Variants in TTC28 observed in about 807,000 individuals in gnomAD.
The protein encoded by TTC28 is tetratricopeptide repeat protein 28.
TTC28 carries 61 observed loss-of-function variants against 198.0 expected under a neutral mutation model. That is an observed-to-expected ratio of 0.31 (90% CI 0.25 to 0.38). The LOEUF (loss-of-function observed/expected upper bound fraction) is 0.38. TTC28 is among the 10% of genes least tolerant of loss of function. TTC28 has a pLI of 1.00. For missense variants in TTC28, 2,678 were observed against 3,164.0 expected (o/e 0.85, Z 3.69); for synonymous variants, 1,171 against 1,297.8 (o/e 0.90, Z 2.10).
At chr22:28,367,192 A>G (rs1007578368) in intron 2 of TTC28, among the ~76,000 whole-genome samples, 2 of 152,142 alleles carry the variant, frequency 1.3e-5, no homozygotes, top group African/African-American at 2.4e-5. Context: ...GTTAGGTCAA[A>G]AAAGAAGTCT....
At chr22:28,299,465 A>G (rs942734845) in intron 3 of TTC28, among the ~76,000 whole-genome samples, 1 of 152,216 alleles carries the variant, frequency 6.6e-6, no homozygotes, top group Non-Finnish European at 1.5e-5. Flanking sequence ...CAGAGAACAA[A>G]GAACATTTTT....
At chr22:28,128,843 A>G (rs896183499) in intron 6 of TTC28, among the ~76,000 whole-genome samples, 4 of 152,100 alleles carry the variant, frequency 2.6e-5, no homozygotes, top group African/African-American at 9.7e-5. Flanking sequence ...CCTGCCCTGG[A>G]ATTTATTTTA....
At chr22:28,491,027 T>TG (rs1480573837) in intron 2 of TTC28, among the ~76,000 whole-genome samples, 2 of 152,148 alleles carry the variant, frequency 1.3e-5, no homozygotes, top group Non-Finnish European at 2.9e-5. Context: ...AGAAGTTTTT[T>TG]GGGGGGAAAT....
intron 12 of TTC28, among the ~76,000 whole-genome samples, chr22:28,083,040 G>T (rs1346720523): frequency 2.6e-5 from 4 of 151,154 alleles, no homozygotes; most frequent in African/African-American, 7.3e-5. Flanking sequence ...TGATTAGAAT[G>T]AGGGAAAGAA....
intron 6 of TTC28, among the ~76,000 whole-genome samples, chr22:28,127,523 G>A (rs1471440466): frequency 2.6e-5 from 4 of 152,114 alleles, no homozygotes; most frequent in African/African-American, 9.7e-5. Context: ...AATGTGGCTA[G>A]TCCAAACTGA....
intron 2 of TTC28, among the ~76,000 whole-genome samples, chr22:28,478,798 C>T (rs947716380): frequency 1.3e-5 from 2 of 152,190 alleles, no homozygotes; most frequent in African/African-American, 4.8e-5. Flanking sequence ...CCTTAGCTCA[C>T]TGAGGTCTCA....
intron 1 of TTC28, among the ~76,000 whole-genome samples, chr22:28,632,977 A>G (rs1022980061): frequency 2.0e-5 from 3 of 151,564 alleles, no homozygotes; most frequent in Non-Finnish European, 2.9e-5. Context: ...AAAAAAAAAA[A>G]ATTATTTAAA....
At chr22:28,292,070 T>C (rs1284767571) in intron 5 of TTC28, among the ~76,000 whole-genome samples, 1 of 152,098 alleles carries the variant, frequency 6.6e-6, no homozygotes, top group East Asian at 1.9e-4. Context: ...AACTAATAAA[T>C]ATTAACTTAT....
chr22:28,072,716 C>T (rs1037507819), intron 12 of TTC28, among the ~76,000 whole-genome samples: 5 of 152,076 alleles, frequency 3.3e-5, no homozygotes, highest in Admixed American at 6.5e-5. Flanking sequence ...CCAGGGGATC[C>T]CATGCTATCA....
At chr22:28,624,066 C>T (rs1427144283) in intron 2 of TTC28, among the ~76,000 whole-genome samples, 1 of 151,964 alleles carries the variant, frequency 6.6e-6, no homozygotes. Flanking sequence ...ATAAAATGCA[C>T]TACAATATAG....
At chr22:28,672,524 T>C (rs189204542) in intron 1 of TTC28, among the ~76,000 whole-genome samples, 23 of 151,900 alleles carry the variant, frequency 1.5e-4, no homozygotes, top group Non-Finnish European at 2.1e-4. Flanking sequence ...CTGGTCTCAA[T>C]CTCCTAACCT....
intron 1 of TTC28, among the ~76,000 whole-genome samples, chr22:28,670,191 A>T (rs1465059112): frequency 6.6e-6 from 1 of 151,938 alleles, no homozygotes; most frequent in Non-Finnish European, 1.5e-5. Context: ...CCTCTAATGA[A>T]ATACATTTCA....
intron 2 of TTC28, among the ~76,000 whole-genome samples, chr22:28,411,676 T>C (rs2047083772): frequency 1.3e-5 from 2 of 152,222 alleles, no homozygotes; most frequent in African/African-American, 4.8e-5. Context: ...CTATTGATGA[T>C]CTCTGTGGTT....
At chr22:28,661,960 T>C (rs1417512912) in intron 1 of TTC28, among the ~76,000 whole-genome samples, 1 of 152,096 alleles carries the variant, frequency 6.6e-6, no homozygotes, top group African/African-American at 2.4e-5. Flanking sequence ...AGGCTGGTCT[T>C]GAACTCCTGA....
chr22:28,295,417 C>T (rs890617368), intron 5 of TTC28, among the ~76,000 whole-genome samples: 7 of 152,066 alleles, frequency 4.6e-5, no homozygotes, highest in Non-Finnish European at 7.4e-5. Context: ...TTGTGGAATG[C>T]CATTATGGAA....
intron 19 of TTC28, 130 bp downstream of exon 19, chr22:27,992,457 C>CT: frequency 1.0e-6 from 1 of 963,718 alleles, no homozygotes; most frequent in Non-Finnish European, 1.5e-6. Flanking sequence ...CGGCCCTCAC[C>CT]TTCTCCTTTG....
At chr22:28,433,219 G>A (rs913967219) in intron 2 of TTC28, among the ~76,000 whole-genome samples, 1 of 151,766 alleles carries the variant, frequency 6.6e-6, no homozygotes, top group Non-Finnish European at 1.5e-5. Flanking sequence ...TAAATTTCTC[G>A]GTATCTTCAA....
chr22:28,381,421 T>C (rs552575738), intron 2 of TTC28, among the ~76,000 whole-genome samples: 4 of 152,204 alleles, frequency 2.6e-5, no homozygotes, highest in Non-Finnish European at 5.9e-5. Context: ...CAATGCTCAA[T>C]GATAGCAGTT....
intron 12 of TTC28, among the ~76,000 whole-genome samples, chr22:28,089,570 C>T (rs130411): frequency 0.021 from 3,184 of 150,668 alleles, 37 homozygotes; most frequent in Non-Finnish European, 0.027. Context: ...TGCTTAATGA[C>T]GAGTTACTGG....
Sources: gnomAD v4.1 joint callset for allele counts (sites outside exome capture counted in the v4.1 genomes callset) on GRCh38, gnomAD v4.1.1 for gene constraint, MANE v1.5 for transcripts, NCBI Gene and HGNC (gene_info 2026-07-23, HGNC 2026-07-21) for gene names.